The following HTRA1 variants were observed in gnomAD, a reference collection of about 807,000 sequenced individuals.
HTRA1 encodes the protein HtrA serine peptidase 1, also known as serine protease HTRA1.
In HTRA1, 26 loss-of-function variants were observed where a neutral mutation model predicts 49.7. That is an observed-to-expected ratio of 0.52 (90% CI 0.38 to 0.73). The LOEUF (loss-of-function observed/expected upper bound fraction) is 0.73. HTRA1 is among the 30% of genes least tolerant of loss of function. The pLI is 0.00. For synonymous variants in HTRA1, 291 were observed against 286.9 expected, an observed-to-expected ratio of 1.01 and a Z score of -0.14; for missense variants, 561 against 667.2, an observed-to-expected ratio of 0.84 and a Z score of 1.75.
intron 1 of HTRA1, among the ~76,000 whole-genome samples, chr10:122,468,432 ATCATC>A: frequency 6.6e-6 from 1 of 150,646 alleles, no homozygotes; most frequent in African/African-American, 2.5e-5. Context: ...CATCATCATC[ATCATC>A]ATCATCTTCA....
At chr10:122,463,241 T>C (rs528394348) in intron 1 of HTRA1, among the ~76,000 whole-genome samples, 1 of 152,332 alleles carries the variant, frequency 6.6e-6, no homozygotes, top group South Asian at 2.1e-4. Flanking sequence ...GGGCTTAGCA[T>C]AGTTTGGCTT....
At chr10:122,483,409 C>G (rs143582715) in intron 1 of HTRA1, among the ~76,000 whole-genome samples, 1 of 152,254 alleles carries the variant, frequency 6.6e-6, no homozygotes, top group Non-Finnish European at 1.5e-5. Flanking sequence ...GAAATATTTA[C>G]TAGGTAAGTG....
At position 122,507,400 on chromosome 10, in the gene HTRA1, C is replaced by G; in HGVS notation, c.1003C>G (p.Leu335Val). The G allele has an allele frequency of 6.2e-7, 1 of 1,605,590 alleles. No individual in the cohort carries two copies. The highest frequency in any genetic ancestry group is 8.5e-7 in the Non-Finnish European group (1 of 1,172,278). ...AAACTCGGGAGGCCCGTTAGTAAAC[C>G]TGGTAAGGTCTTTTAAACCTATGTT... is the stretch of plus-strand genomic sequence containing the variant. Reference protein sequence around the residue: ...YGNSGGPLVNLDGEVIGINTL... With the variant: ...YGNSGGPLVNVDGEVIGINTL... Residue 335 changes from leucine to valine, a missense_variant and splice_region_variant, in exon 5 of 9, where the codon CTG (leucine) becomes GTG (valine). Transcript: ENST00000368984.
At chr10:122,513,081 G>A (rs891663545) in intron 8 of HTRA1, among the ~76,000 whole-genome samples, 7 of 152,308 alleles carry the variant, frequency 4.6e-5, no homozygotes, top group African/African-American at 1.7e-4. Context: ...GCAGAGTTGA[G>A]TAGCTTCAAC....
At chr10:122,473,954 C>G (rs940038361) in intron 1 of HTRA1, among the ~76,000 whole-genome samples, 1 of 152,086 alleles carries the variant, frequency 6.6e-6, no homozygotes, top group Non-Finnish European at 1.5e-5. Context: ...ACAGGGAGAC[C>G]AGACGTCTAT....
chr10:122,492,917 G>A (rs112125952), intron 3 of HTRA1, among the ~76,000 whole-genome samples: 2,108 of 152,178 alleles, frequency 0.014, 29 homozygotes, highest in Non-Finnish European at 0.019. Flanking sequence ...AGCTGCTGTA[G>A]CCCCTGCTGT....
At chr10:122,475,052 G>A (rs1477251082) in intron 1 of HTRA1, among the ~76,000 whole-genome samples, 2 of 152,146 alleles carry the variant, frequency 1.3e-5, no homozygotes, top group African/African-American at 4.8e-5. Flanking sequence ...CACAGTGAGG[G>A]GTTCACAGCC....
chr10:122,511,331 T>A (rs148635466), intron 7 of HTRA1, among the ~76,000 whole-genome samples: 255 of 152,298 alleles, frequency 1.7e-3, no homozygotes, highest in African/African-American at 5.5e-3. Context: ...GTTAAGCAAC[T>A]GTCCGAGGTC....
In HTRA1 at chr10:122,464,469, T is replaced by G. The variant is rs1052182624; in HGVS notation, c.472+2345T>G. On this transcript the variant is annotated intron_variant, in intron 1 of 8. Coordinates refer to ENST00000368984, the MANE Select transcript of HTRA1 (RefSeq NM_002775.5). The surrounding 1 kb of genome is among the most constrained non-coding windows in gnomAD (Gnocchi z 4.8). ...TCTTTTGCAAATATTTATTGAGCTC[T>G]GTAGGGTGTCTGACACCGTTTGCAT... 6.6e-6 allele frequency among the ~76,000 whole-genome samples: 1 copy of G among 152,202 alleles called. No homozygotes were observed. Among genetic ancestry groups the G allele is most frequent in the African/African-American group, 2.4e-5 (1 of 41,464 alleles).
chr10:122,472,455 G>T (rs1251111380), intron 1 of HTRA1, among the ~76,000 whole-genome samples: 1 of 151,182 alleles, frequency 6.6e-6, no homozygotes, highest in Non-Finnish European at 1.5e-5. Flanking sequence ...GGAGTAAGGG[G>T]CACGATCTTG....
chr10:122,461,606 C>G lies in HTRA1; in HGVS notation c.-47C>G. ...CTGCACTCTCCCCGGCGCCGCTCTC[C>G]GGCCCTCGCCCTGTCCGCCGCCACC... On this transcript the variant is annotated 5_prime_UTR_variant, in exon 1 of 9. Coordinates refer to ENST00000368984, the MANE Select transcript of HTRA1 (RefSeq NM_002775.5). 1.7e-6 allele frequency: 2 copies of G among 1,202,094 alleles called. No individual in the cohort carries two copies. Among genetic ancestry groups the G allele is most frequent in the South Asian group, 2.8e-5 (2 of 71,402 alleles). The allele number at this position is 1,202,094 out of a possible 1,614,324, so 74.5% of individuals were successfully genotyped here. A position where few individuals can be genotyped will look rare whatever the true frequency, so the allele number is the denominator to read the frequency against.
Position 122,514,594 on chromosome 10 carries a change from C to A in HTRA1, c.*235C>A, listed in dbSNP as rs867768480. 3 of 531,680 alleles carry A rather than the reference C, an allele frequency of 5.6e-6. No individual in the cohort carries two copies. Among genetic ancestry groups the A allele is most frequent in the Middle Eastern group, 5.2e-4 (1 of 1,920 alleles). 32.9% of individuals were successfully genotyped at this position (531,680 alleles called of 1,614,324 possible). On this transcript the variant is annotated 3_prime_UTR_variant, in exon 9 of 9. Coordinates refer to ENST00000368984, the MANE Select transcript of HTRA1 (RefSeq NM_002775.5). ...TTCTGTATCCTATGTATGCAGTGTGCTTTTTCTTGCCAGCTTGGGCCATTC... is the reference window on the plus strand; with the variant it reads ...TTCTGTATCCTATGTATGCAGTGTGATTTTTCTTGCCAGCTTGGGCCATTC...
Position 122,488,882 on chromosome 10 carries a change from T to C in HTRA1, c.473-20T>C. On this transcript the variant is annotated intron_variant, in intron 1 of 8. Coordinates refer to ENST00000368984, the MANE Select transcript of HTRA1 (RefSeq NM_002775.5). ...ACAGCAGAGTGTCATTAAGTATCTA[T>C]TCTTTGCTTTTGTTCTCAGGGCAGG... is the stretch of plus-strand genomic sequence containing the variant. 6.3e-7 allele frequency: 1 copy of C among 1,592,858 alleles called. No homozygotes were observed.
chr10:122,513,113 G>C (rs2097506372), intron 8 of HTRA1, among the ~76,000 whole-genome samples: 1 of 152,154 alleles, frequency 6.6e-6, no homozygotes, highest in Admixed American at 6.5e-5. Flanking sequence ...GTACTGCAAA[G>C]CCTAAAATAT....
chr10:122,479,278 G>A (rs1298214820), intron 1 of HTRA1, among the ~76,000 whole-genome samples: 1 of 152,132 alleles, frequency 6.6e-6, no homozygotes, highest in African/African-American at 2.4e-5. Flanking sequence ...GCTGGAGGCT[G>A]GCTGAGAAGG....
chr10:122,512,136 G>GCTCC, intron 8 of HTRA1, 71 bp downstream of exon 8: 4 of 1,097,610 alleles, frequency 3.6e-6, no homozygotes, highest in African/African-American at 1.5e-5. Context: ...AAGAGGGAGC[G>GCTCC]CTGTTCCTTT....
rs2097504845 is a variant in HTRA1, at chr10:122,509,948, G to T, written c.1121-148G>T. 21 of 718,022 alleles carry T rather than the reference G, an allele frequency of 2.9e-5. No homozygotes were observed. In the South Asian group the frequency reaches 3.1e-4, roughly 11 times the overall value. 44.5% of individuals were successfully genotyped at this position (718,022 alleles called of 1,614,324 possible). A position where few individuals can be genotyped will look rare whatever the true frequency, so the allele number is the denominator to read the frequency against. ...TTTCCCAAGGTCCCCCAGAGGGGAGGGGTCCAGACCAGGATTTGAGCCGCA... is the reference window on the plus strand; with the variant it reads ...TTTCCCAAGGTCCCCCAGAGGGGAGTGGTCCAGACCAGGATTTGAGCCGCA... On this transcript the variant is annotated intron_variant, in intron 6 of 8. Transcript: ENST00000368984.
intron 1 of HTRA1, among the ~76,000 whole-genome samples, chr10:122,466,792 G>A (rs182300969): frequency 2.0e-5 from 3 of 152,300 alleles, no homozygotes; most frequent in Admixed American, 6.5e-5. Context: ...AAACATTTGT[G>A]AGTCTCCAGC....
intron 1 of HTRA1, among the ~76,000 whole-genome samples, chr10:122,473,631 C>A (rs1477539500): frequency 6.6e-6 from 1 of 152,068 alleles, no homozygotes; most frequent in Admixed American, 6.6e-5. Context: ...TTAAAGTGTA[C>A]AATTTGCTGT....
Sources: allele counts gnomAD v4.1 joint callset (sites outside exome capture counted in the v4.1 genomes callset), GRCh38; gene constraint gnomAD v4.1.1; non-coding constraint Gnocchi (gnomAD v3.1); transcripts MANE v1.5; gene names NCBI Gene and HGNC (gene_info 2026-07-23, HGNC 2026-07-21).